The following CAPZB variants were observed in gnomAD, a reference collection of about 807,000 sequenced individuals.
CAPZB encodes the protein capping actin protein of muscle Z-line subunit beta, also known as F-actin-capping protein subunit beta.
Under a neutral mutation model 38.1 loss-of-function variants are expected in CAPZB, and 2 were observed. That is an observed-to-expected ratio of 0.05 (90% CI 0.02 to 0.17). The LOEUF (loss-of-function observed/expected upper bound fraction) is 0.17. CAPZB is among the 10% of genes least tolerant of loss of function. The pLI is 1.00. For synonymous variants in CAPZB, 107 were observed against 127.4 expected, an observed-to-expected ratio of 0.84 and a Z score of 1.08; for missense variants, 161 against 334.2, an observed-to-expected ratio of 0.48 and a Z score of 4.04.
At chr1:19,404,543 T>TAAA (rs11356951) in intron 2 of CAPZB, among the ~76,000 whole-genome samples, 20,850 of 125,930 alleles carry the variant, frequency 0.17, 1,875 homozygotes, top group East Asian at 0.25. Context: ...AACTCCATGT[T>TAAA]AAAAAAAAAA....
At chr1:19,354,738 G>A (rs1053153272) in intron 6 of CAPZB, among the ~76,000 whole-genome samples, 2 of 152,184 alleles carry the variant, frequency 1.3e-5, no homozygotes, top group African/African-American at 4.8e-5. Flanking sequence ...TATTTGTCCA[G>A]GTCACTGTAA....
chr1:19,412,543 A>G (rs1239956159), intron 2 of CAPZB, among the ~76,000 whole-genome samples: 1 of 152,176 alleles, frequency 6.6e-6, no homozygotes. Flanking sequence ...TCAGCCTCCC[A>G]AGTAGTTGTA....
In CAPZB at chr1:19,356,549, G is replaced by T; in HGVS notation, c.588+86C>A. On this transcript the variant is annotated intron_variant, in intron 6 of 8. Coordinates refer to ENST00000264202, the MANE Select transcript of CAPZB (RefSeq NM_004930.5). This position sits in a 1 kb window ranked among gnomAD's most constrained non-coding sequence, Gnocchi z 4.3. The stretch of plus-strand genomic sequence containing the variant: ...TGGCTGAACATGCTTACCCTAAATG[G>T]GGCACCTGCTCACTCATCTCTGCAG... 1.2e-6 allele frequency: 1 copy of T among 852,870 alleles called. No individual in the cohort carries two copies. 52.8% of individuals were successfully genotyped at this position (852,870 alleles called of 1,614,324 possible). A position where few individuals can be genotyped will look rare whatever the true frequency, so the allele number is the denominator to read the frequency against.
chr1:19,390,974 G>A (rs1057230717), intron 2 of CAPZB, among the ~76,000 whole-genome samples: 27 of 152,154 alleles, frequency 1.8e-4, no homozygotes, highest in African/African-American at 6.3e-4. Context: ...TAACTTGACC[G>A]GAGCCACGCA....
At chr1:19,390,451 G>C (rs1273499050) in intron 2 of CAPZB, among the ~76,000 whole-genome samples, 1 of 152,240 alleles carries the variant, frequency 6.6e-6, no homozygotes, top group Non-Finnish European at 1.5e-5. Flanking sequence ...AACACCAAAG[G>C]TGTCAGACCA....
intron 1 of CAPZB, among the ~76,000 whole-genome samples, 164 bp downstream of exon 1, chr1:19,485,272 G>T (rs562068204): frequency 6.6e-6 from 1 of 152,058 alleles, no homozygotes; most frequent in Non-Finnish European, 1.5e-5. Context: ...CCGCGCCGGC[G>T]GCACCCTCCT....
At chr1:19,434,368 A>G (rs1380742542) in intron 1 of CAPZB, among the ~76,000 whole-genome samples, 2 of 152,172 alleles carry the variant, frequency 1.3e-5, no homozygotes, top group Non-Finnish European at 2.9e-5. Flanking sequence ...ATCACAAAAT[A>G]TGTGTAAAGA....
chr1:19,449,285 G>A (rs1354548967), intron 1 of CAPZB: 1 of 1,054,732 alleles, frequency 9.5e-7, no homozygotes, highest in Non-Finnish European at 1.2e-6. Flanking sequence ...GCCAGAAGAG[G>A]AAATGCACTG....
intron 2 of CAPZB, among the ~76,000 whole-genome samples, chr1:19,408,255 G>A (rs1323156058): frequency 1.3e-5 from 2 of 152,208 alleles, no homozygotes; most frequent in African/African-American, 4.8e-5. Context: ...ATCGGCCCTA[G>A]GAAGCCAACA....
At chr1:19,431,913 C>CA (rs1464831852) in intron 1 of CAPZB, among the ~76,000 whole-genome samples, 1 of 150,456 alleles carries the variant, frequency 6.6e-6, no homozygotes, top group Non-Finnish European at 1.5e-5. Context: ...CCCGTCTCTA[C>CA]AAAAAACTTT....
At position 19,339,459 on chromosome 1, in the gene CAPZB, G is replaced by A. The variant is rs2093916009; in HGVS notation, c.*71C>T. 1 of 1,104,586 alleles carries A rather than the reference G, an allele frequency of 9.1e-7. No individual in the cohort carries two copies. The highest frequency in any genetic ancestry group is 1.7e-5 in the Admixed American group (1 of 59,300). 68.4% of individuals were successfully genotyped at this position (1,104,586 alleles called of 1,614,324 possible). ...GGGAGGGAAGGGACGAGGGAAGGGA[G>A]CAGAAAACGAGTTTTCTAAGAAAGG... On this transcript the variant is annotated 3_prime_UTR_variant, in exon 9 of 9. Coordinates refer to ENST00000264202, the MANE Select transcript of CAPZB (RefSeq NM_004930.5).
At chr1:19,364,059 C>T (rs12134461) in intron 4 of CAPZB, among the ~76,000 whole-genome samples, 6,056 of 152,260 alleles carry the variant, frequency 0.04, 141 homozygotes, top group African/African-American at 0.054. Flanking sequence ...ATACCTGTGA[C>T]GCTGAGGCAC....
chr1:19,358,215 G>A (rs534044822), intron 4 of CAPZB, among the ~76,000 whole-genome samples: 35 of 152,332 alleles, frequency 2.3e-4, no homozygotes, highest in African/African-American at 7.9e-4. Context: ...TCGGCTCACT[G>A]CAACCTCCGC....
At chr1:19,421,417 G>T (rs1356269808) in intron 1 of CAPZB, among the ~76,000 whole-genome samples, 2 of 152,196 alleles carry the variant, frequency 1.3e-5, no homozygotes, top group Non-Finnish European at 2.9e-5. Context: ...GAAAAAGCCT[G>T]TCCCTTGCTC....
At chr1:19,388,137 G>A (rs2094213488) in intron 2 of CAPZB, among the ~76,000 whole-genome samples, 1 of 152,134 alleles carries the variant, frequency 6.6e-6, no homozygotes. Context: ...AAGAAAATAG[G>A]GTTTGGTATA....
chr1:19,411,234 T>C (rs1024986246), intron 2 of CAPZB, among the ~76,000 whole-genome samples: 3 of 151,936 alleles, frequency 2.0e-5, no homozygotes, highest in African/African-American at 7.3e-5. Flanking sequence ...TGAAAAAAAT[T>C]TTTTTCCATG....
intron 2 of CAPZB, among the ~76,000 whole-genome samples, chr1:19,405,061 C>A (rs2094324189): frequency 6.6e-6 from 1 of 152,158 alleles, no homozygotes; most frequent in African/African-American, 2.4e-5. Context: ...GACCACCAGC[C>A]CTTGAGTCCC....
intron 8 of CAPZB, among the ~76,000 whole-genome samples, chr1:19,341,853 T>G (rs545363942): frequency 6.6e-6 from 1 of 152,212 alleles, no homozygotes; most frequent in Non-Finnish European, 1.5e-5. Context: ...GTTTTCTAAG[T>G]GCCTGACCCC....
rs143899685 is a variant in CAPZB at position 19,454,325 on chromosome 1, A to G, written c.3+31111T>C. 5.8e-3 allele frequency among the ~76,000 whole-genome samples: 881 copies of G among 152,208 alleles called. 8 individuals carry two copies. Among genetic ancestry groups the G allele is most frequent in the African/African-American group, 0.02 (816 of 41,526 alleles). On this transcript the variant is annotated intron_variant, in intron 1 of 8. Coordinates refer to ENST00000264202, the MANE Select transcript of CAPZB (RefSeq NM_004930.5). The stretch of plus-strand genomic sequence containing the variant: ...GAAATGCTGGCCACGTAAGATGTAA[A>G]CCCCAAAGAGCAAGTTTGTCCCATC...
Sources: allele counts gnomAD v4.1 joint callset (sites outside exome capture counted in the v4.1 genomes callset), GRCh38; gene constraint gnomAD v4.1.1; non-coding constraint Gnocchi (gnomAD v3.1); transcripts MANE v1.5; gene names NCBI Gene and HGNC (gene_info 2026-07-23, HGNC 2026-07-21).